DENND4B: variants seen among roughly 807,000 people sequenced by gnomAD.
The protein encoded by DENND4B is DENN domain-containing protein 4B.
A neutral mutation model predicts 161.0 loss-of-function variants in DENND4B; 67 were observed. That is an observed-to-expected ratio of 0.42 (90% CI 0.34 to 0.51). The LOEUF is 0.51. DENND4B is among the 20% of genes least tolerant of loss of function. The pLI is 0.08. For missense variants in DENND4B, 1,481 were observed against 1,968.0 expected (o/e 0.75, Z 4.68); for synonymous variants, 753 against 813.8 (o/e 0.93, Z 1.27).
chr1:153,937,731 G>A lies in DENND4B; in HGVS notation c.2098C>T (p.Gln700Ter). Reference sequence around the variant, plus strand: ...AGGCTAAGAGACTCTCACCAGTACTGGGGAGTGGATTCACTGCCCTCTGGT... The same window carrying A: ...AGGCTAAGAGACTCTCACCAGTACTAGGGAGTGGATTCACTGCCCTCTGGT... ...ALPEGSESTP[Q>*]YCYDGFPELR... Residue 700 changes from glutamine to a stop codon, truncating the protein, a stop_gained, in exon 14 of 28, where the codon CAG becomes TAG. Coordinates refer to ENST00000361217, the MANE Select transcript of DENND4B (RefSeq NM_014856.3). LOFTEE classifies it high-confidence loss of function. The surrounding 1 kb of genome is among the most constrained non-coding windows in gnomAD (Gnocchi z 4.7). 6.2e-7 allele frequency: 1 copy of A among 1,614,052 alleles called. No homozygotes were observed. The highest frequency in any genetic ancestry group is 8.5e-7 in the Non-Finnish European group (1 of 1,179,898).
intron 6 of DENND4B, 96 bp downstream of exon 6, chr1:153,941,773 C>CTGGGGGG: frequency 9.8e-6 from 14 of 1,426,292 alleles, no homozygotes; most frequent in Non-Finnish European, 1.2e-5. Flanking sequence ...ACCCTGTGCC[C>CTGGGGGG]AGCCCTCCCC....
intron 6 of DENND4B, 76 bp downstream of exon 6, chr1:153,941,773 CAGCCCTCCCCCCACCCACAT>C: frequency 2.8e-6 from 4 of 1,426,294 alleles, no homozygotes; most frequent in Non-Finnish European, 3.8e-6. Context: ...ACCCTGTGCC[CAGCCCTCCCCCCACCCACAT>C]CTGAATCTCT....
In DENND4B at chr1:153,936,484, T is replaced by C. The variant is rs1679338841; in HGVS notation, c.2439+58A>G. 2 of 1,482,320 alleles carry C rather than the reference T, an allele frequency of 1.3e-6. No individual in the cohort carries two copies. Among genetic ancestry groups the C allele is most frequent in the Non-Finnish European group, 1.8e-6 (2 of 1,105,834 alleles). 91.8% of individuals were successfully genotyped at this position (1,482,320 alleles called of 1,614,324 possible). On this transcript the variant is annotated intron_variant, in intron 16 of 27. Coordinates refer to ENST00000361217, the MANE Select transcript of DENND4B (RefSeq NM_014856.3). This position sits in a 1 kb window ranked among gnomAD's most constrained non-coding sequence, Gnocchi z 4.1. ...ACCAAGTTTCCCTCTCACAGCCCTC[T>C]CCAGCTGCACAAGGCTCACTGGGCC... is the stretch of plus-strand genomic sequence containing the variant.
chr1:153,941,776 C>CGGGCG, intron 6 of DENND4B, 93 bp downstream of exon 6: 1 of 509,988 alleles, frequency 2.0e-6, no homozygotes, highest in Non-Finnish European at 3.7e-6. Context: ...CTGTGCCCAG[C>CGGGCG]CCTCCCCCCA....
At position 153,942,235 on chromosome 1, in the gene DENND4B, G is replaced by A. The variant is rs754754997; in HGVS notation, c.762C>T (p.Pro254=). The A allele has an allele frequency of 1.4e-5, 22 of 1,613,848 alleles. No individual in the cohort carries two copies. Among genetic ancestry groups the A allele is most frequent in the Non-Finnish European group, 1.8e-5 (21 of 1,179,882 alleles). ...GCACAAAGGTGGAGAAGACGGGCAC[G>A]GGGTACTTGGTCTGGGCAGGCCAGC... The part of the protein sequence containing the change: ...IECWPAQTKY[P]VPVFSTFVLT... Residue 254 remains proline, a synonymous_variant, in exon 5 of 28, where the codon CCC becomes CCT. Transcript: ENST00000361217. The surrounding 1 kb of genome is among the most constrained non-coding windows in gnomAD (Gnocchi z 6.9).
At chr1:153,939,539 C>G in intron 12 of DENND4B, 50 bp downstream of exon 12, 1 of 1,548,776 alleles carries the variant, frequency 6.5e-7, no homozygotes, top group Non-Finnish European at 8.8e-7. Flanking sequence ...CCCAGCCCCT[C>G]GCCACCTCCT....
chr1:153,938,047 C>T (rs1251006737), intron 13 of DENND4B, among the ~76,000 whole-genome samples, 184 bp from the exon 14 acceptor site: 1 of 152,194 alleles, frequency 6.6e-6, no homozygotes, highest in Non-Finnish European at 1.5e-5. Flanking sequence ...TGTGGCTGCA[C>T]AGGTTGTGCA....
chr1:153,937,381 C>T lies in DENND4B; in HGVS notation c.2232+107G>A. 2 of 1,413,440 alleles carry T rather than the reference C, an allele frequency of 1.4e-6. No homozygotes were observed. The highest frequency in any genetic ancestry group is 1.9e-6 in the Non-Finnish European group (2 of 1,076,796). 87.6% of individuals were successfully genotyped at this position (1,413,440 alleles called of 1,614,324 possible). A position where few individuals can be genotyped will look rare whatever the true frequency, so the allele number is the denominator to read the frequency against. On this transcript the variant is annotated intron_variant, in intron 15 of 27. Coordinates refer to ENST00000361217, the MANE Select transcript of DENND4B (RefSeq NM_014856.3). This position sits in a 1 kb window ranked among gnomAD's most constrained non-coding sequence, Gnocchi z 4.7. ...AGCACATTTAAACTCCTAACAACCT[C>T]ATGGGTTAAGTATTATTGTTATACC...
chr1:153,937,000 G>GCCCA lies in DENND4B; in HGVS notation c.2233-256_2233-253dup, dbSNP rs1268259926. ...TGTAAAGACAAGGTTTTGCCACATT[G>GCCCA]CCCAGGCTAGTCACAAACTCCTGGG... On this transcript the variant is annotated intron_variant, in intron 15 of 27. Coordinates refer to ENST00000361217, the MANE Select transcript of DENND4B (RefSeq NM_014856.3). This position sits in a 1 kb window ranked among gnomAD's most constrained non-coding sequence, Gnocchi z 4.1. Among the ~76,000 whole-genome samples, 3 of 152,140 alleles carry GCCCA rather than the reference G, an allele frequency of 2.0e-5. No homozygotes were observed. The highest frequency in any genetic ancestry group is 7.2e-5 in the African/African-American group (3 of 41,424).
Position 153,939,274 on chromosome 1 carries a change from T to TC in DENND4B, c.1820-230_1820-229insG, listed in dbSNP as rs534332541. 1.3e-4 allele frequency among the ~76,000 whole-genome samples: 19 copies of TC among 151,382 alleles called. No homozygotes were observed. The South Asian group carries it at 3.8e-3, about 30-fold the overall frequency. ...TCTGCCTGTACCCACTGCCTCAGAC[T>TC]GGGGGGGGTCTCCAAGGGCAGGGTC... On this transcript the variant is annotated intron_variant, in intron 12 of 27. Coordinates refer to ENST00000361217, the MANE Select transcript of DENND4B (RefSeq NM_014856.3).
Position 153,936,998 on chromosome 1 carries a change from T to A in DENND4B, c.2233-250A>T, listed in dbSNP as rs1557851859. Among the ~76,000 whole-genome samples, 1 of 152,218 alleles carries A rather than the reference T, an allele frequency of 6.6e-6. No homozygotes were observed. Among genetic ancestry groups the A allele is most frequent in the Non-Finnish European group, 1.5e-5 (1 of 68,040 alleles). ...TTTGTAAAGACAAGGTTTTGCCACATTGCCCAGGCTAGTCACAAACTCCTG... is the reference window on the plus strand; with the variant it reads ...TTTGTAAAGACAAGGTTTTGCCACAATGCCCAGGCTAGTCACAAACTCCTG... On this transcript the variant is annotated intron_variant, in intron 15 of 27. Coordinates refer to ENST00000361217, the MANE Select transcript of DENND4B (RefSeq NM_014856.3). This position sits in a 1 kb window ranked among gnomAD's most constrained non-coding sequence, Gnocchi z 4.1.
chr1:153,933,469 C>T lies in DENND4B; in HGVS notation c.3330+14G>A, dbSNP rs1679099251. The T allele has an allele frequency of 1.9e-6, 3 of 1,569,958 alleles. No homozygotes were observed. The highest frequency in any genetic ancestry group is 1.8e-5 in the Admixed American group (1 of 56,542). ...ACTAATGCTAAGGCATCTGGACCCTCCTTCACTGGCTACCTCGGAGGCAGT... is the reference window on the plus strand; with the variant it reads ...ACTAATGCTAAGGCATCTGGACCCTTCTTCACTGGCTACCTCGGAGGCAGT... On this transcript the variant is annotated intron_variant, in intron 20 of 27. Transcript: ENST00000361217. This position sits in a 1 kb window ranked among gnomAD's most constrained non-coding sequence, Gnocchi z 5.7.
Position 153,934,326 on chromosome 1 carries a change from A to G in DENND4B, c.2774-24T>C. On this transcript the variant is annotated intron_variant, in intron 18 of 27. Coordinates refer to ENST00000361217, the MANE Select transcript of DENND4B (RefSeq NM_014856.3). This position sits in a 1 kb window ranked among gnomAD's most constrained non-coding sequence, Gnocchi z 5.3. The stretch of plus-strand genomic sequence containing the variant: ...CTCTGTAAAAGACGAGAAGGGGTTT[A>G]GAGGCGGCCAGCTAGGAACCCAGTC... The G allele has an allele frequency of 6.4e-7, 1 of 1,554,390 alleles. No homozygotes were observed. Among genetic ancestry groups the G allele is most frequent in the South Asian group, 1.2e-5 (1 of 82,684 alleles).
rs763426290 is a variant in DENND4B, at chr1:153,941,933, G to A, written c.991C>T (p.Arg331Cys). The change falls in exon 6 of 28, where the codon CGC (arginine) becomes TGC (cysteine). Residue 331 changes from arginine to cysteine, a missense_variant. By Grantham distance (180) the Arg-to-Cys change is radical. Around this residue, in one of 3 missense-constraint regions of DENND4B, gnomAD observed 806 missense variants for 1,134.4 expected, o/e 0.71. Coordinates refer to ENST00000361217, the MANE Select transcript of DENND4B (RefSeq NM_014856.3). ...CGGTAAAGGAAGGTGAGGAAGGCGCGGAAGGCAGGGAAGGCAGGCCAGCGG... is the reference window on the plus strand; with the variant it reads ...CGGTAAAGGAAGGTGAGGAAGGCGCAGAAGGCAGGGAAGGCAGGCCAGCGG... ...LSRWPAFPAF[R>C]AFLTFLYRYS... 16 of 1,612,142 alleles carry A rather than the reference G, an allele frequency of 9.9e-6. No homozygotes were observed. Among genetic ancestry groups the A allele is most frequent in the South Asian group, 5.5e-5 (5 of 91,052 alleles).
chr1:153,943,951 G>C, intron 2 of DENND4B, 107 bp downstream of exon 2: 1 of 1,280,094 alleles, frequency 7.8e-7, no homozygotes, highest in South Asian at 1.8e-5. Context: ...TGGCCCACCA[G>C]GCTCCCATCC....
Position 153,934,191 on chromosome 1 carries a change from C to A in DENND4B, c.2885G>T (p.Gly962Val). Residue 962 changes from glycine (G) to valine (V), a missense_variant, in exon 19 of 28, where the codon GGT (glycine) becomes GTT (valine). Gly to Val is a moderately radical substitution (Grantham distance 109). Transcript: ENST00000361217. The surrounding 1 kb of genome is among the most constrained non-coding windows in gnomAD (Gnocchi z 5.3). ...ASPPGRLVKS[G>V]SLGSARGAQP... ...TGCCCCTCGGGCACTGCCCAGGCTA[C>A]CACTCTTCACCAGGCGTCCAGGGGG... 6.2e-7 allele frequency: 1 copy of A among 1,605,060 alleles called. No individual in the cohort carries two copies. The highest frequency in any genetic ancestry group is 8.5e-7 in the Non-Finnish European group (1 of 1,177,010).
In DENND4B at chr1:153,937,726, G is replaced by A. The variant is rs2297896; in HGVS notation, c.2103C>T (p.Tyr701=). The stretch of plus-strand genomic sequence containing the variant: ...TGTGAAGGCTAAGAGACTCTCACCA[G>A]TACTGGGGAGTGGATTCACTGCCCT... The part of the protein sequence containing the change: ...LPEGSESTPQ[Y]CYDGFPELRA... The change falls in exon 14 of 28, where the codon TAC becomes TAT. Residue 701 remains tyrosine, a splice_region_variant and synonymous_variant. Coordinates refer to ENST00000361217, the MANE Select transcript of DENND4B (RefSeq NM_014856.3). This position sits in a 1 kb window ranked among gnomAD's most constrained non-coding sequence, Gnocchi z 4.7. The A allele has an allele frequency of 4.6e-4, 737 of 1,614,068 alleles. 8 individuals are homozygous for A. The East Asian group carries it at 0.013, about 29-fold the overall frequency.
rs1362788844 is a variant in DENND4B at position 153,931,052 on chromosome 1, A to G, written c.4009T>C (p.Trp1337Arg). ...GPSHSQAPSPWLTPDPASVQV... is the reference protein window; with the variant it reads ...GPSHSQAPSPRLTPDPASVQV... ...ACAGAGGCTGGATCAGGGGTTAGCC[A>G]AGGAGATGGGGCCTGGGGGAGCCAA... Residue 1337 changes from tryptophan (W) to arginine (R), a missense_variant, in exon 25 of 28, where the codon TGG (tryptophan) becomes CGG (arginine). Physicochemically the swap from Trp to Arg is moderately radical, Grantham distance 101. Transcript: ENST00000361217. 1 of 1,611,164 alleles carries G rather than the reference A, an allele frequency of 6.2e-7. No homozygotes were observed. Among genetic ancestry groups the G allele is most frequent in the East Asian group, 2.2e-5 (1 of 44,848 alleles).
In DENND4B at chr1:153,936,480, C is replaced by T. The variant is rs562136593; in HGVS notation, c.2439+62G>A. On this transcript the variant is annotated intron_variant, in intron 16 of 27. Coordinates refer to ENST00000361217, the MANE Select transcript of DENND4B (RefSeq NM_014856.3). The surrounding 1 kb of genome is among the most constrained non-coding windows in gnomAD (Gnocchi z 4.1). ...CTCCACCAAGTTTCCCTCTCACAGC[C>T]CTCTCCAGCTGCACAAGGCTCACTG... The T allele has an allele frequency of 1.4e-6, 2 of 1,472,154 alleles. No individual in the cohort carries two copies. The highest frequency in any genetic ancestry group is 2.8e-5 in the South Asian group (2 of 72,714). 91.2% of individuals were successfully genotyped at this position (1,472,154 alleles called of 1,614,324 possible).
Sources: allele counts gnomAD v4.1 joint callset (sites outside exome capture counted in the v4.1 genomes callset), GRCh38; gene constraint gnomAD v4.1.1; regional missense constraint gnomAD v4.1.1; non-coding constraint Gnocchi (gnomAD v3.1); transcripts MANE v1.5; gene names NCBI Gene and HGNC (gene_info 2026-07-23, HGNC 2026-07-21).